TMEM47: variants seen among roughly 807,000 people sequenced by gnomAD.
The protein encoded by TMEM47 is brain cell membrane protein 1.
TMEM47 carries 3 observed loss-of-function variants against 12.4 expected under a neutral mutation model. That is an observed-to-expected ratio of 0.24 (90% CI 0.11 to 0.63). The LOEUF (loss-of-function observed/expected upper bound fraction) is 0.63. TMEM47 is among the 20% of genes least tolerant of loss of function. The pLI is 0.86. For missense variants in TMEM47, 89 were observed against 143.8 expected (o/e 0.62, Z 1.95); for synonymous variants, 62 against 63.3 (o/e 0.98, Z 0.10).
chrX:34,639,949 G>C (rs1921786362), intron 1 of TMEM47, among the ~76,000 whole-genome samples: 1 of 111,097 alleles, frequency 9.0e-6, no homozygotes, highest in Admixed American at 9.6e-5. Context: ...TTTGTGTCTG[G>C]CTTTTAAGTT....
intron 1 of TMEM47, among the ~76,000 whole-genome samples, chrX:34,640,703 A>C (rs1341952509): frequency 1.8e-5 from 2 of 111,777 alleles, no homozygotes; most frequent in East Asian, 5.6e-4. Flanking sequence ...AAAGCTTCCA[A>C]AATGCACTCT....
At chrX:34,634,212 A>T (rs1425377020) in intron 2 of TMEM47, among the ~76,000 whole-genome samples, 1 of 111,700 alleles carries the variant, frequency 9.0e-6, no homozygotes, top group Non-Finnish European at 1.9e-5. Flanking sequence ...ACAGCTCTGG[A>T]ACATTTTAGA....
At chrX:34,638,374 T>C (rs1312620869) in intron 2 of TMEM47, among the ~76,000 whole-genome samples, 2 of 111,870 alleles carry the variant, frequency 1.8e-5, no homozygotes, top group East Asian at 5.6e-4. Context: ...AGAACACTTC[T>C]GTTTTGTATT....
intron 1 of TMEM47, among the ~76,000 whole-genome samples, chrX:34,656,262 A>T (rs1367190538): frequency 1.8e-5 from 2 of 111,719 alleles, no homozygotes; most frequent in African/African-American, 6.5e-5. Flanking sequence ...TCCATCAAAA[A>T]CGTAAGGAAA....
intron 1 of TMEM47, among the ~76,000 whole-genome samples, chrX:34,644,265 G>A (rs1209896457): frequency 8.9e-6 from 1 of 111,744 alleles, no homozygotes; most frequent in African/African-American, 3.3e-5. Context: ...GCTGGCATCA[G>A]AGTTTCCAAT....
At chrX:34,639,469 A>C in intron 1 of TMEM47, 82 bp from the exon 2 acceptor site, 1 of 985,193 alleles carries the variant, frequency 1.0e-6, no homozygotes. Context: ...TTCACCTTGC[A>C]GTGGCTCAAC....
chrX:34,647,510 T>C (rs1921935019), intron 1 of TMEM47, among the ~76,000 whole-genome samples: 1 of 111,494 alleles, frequency 9.0e-6, no homozygotes, highest in South Asian at 3.7e-4. Flanking sequence ...TGGAAGACCA[T>C]GGATGTTTCG....
intron 2 of TMEM47, among the ~76,000 whole-genome samples, chrX:34,631,473 A>G (rs1921624624): frequency 9.0e-6 from 1 of 111,597 alleles, no homozygotes; most frequent in Admixed American, 9.6e-5. Flanking sequence ...AAGTGGCTTA[A>G]AAGTTATTAA....
At chrX:34,647,308 G>C (rs1160465236) in intron 1 of TMEM47, among the ~76,000 whole-genome samples, 2 of 111,337 alleles carry the variant, frequency 1.8e-5, no homozygotes, top group African/African-American at 6.5e-5. Flanking sequence ...TTTATGTACA[G>C]AGAATAAGTA....
chrX:34,650,018 C>A (rs1421226988), intron 1 of TMEM47, among the ~76,000 whole-genome samples: 1 of 112,100 alleles, frequency 8.9e-6, no homozygotes, highest in East Asian at 2.8e-4. Context: ...AGCCACCACG[C>A]CTGGCCCCCA....
At position 34,627,626 on chromosome X, in the gene TMEM47, A is replaced by G. The variant is rs1042612672; in HGVS notation, c.*2687T>C. ...AAAAAGCTAAATAATTGTGCAAGAA[A>G]TCGGAATAACTAGCCCTGCTGAGTA... On this transcript the variant is annotated 3_prime_UTR_variant, in exon 3 of 3. Coordinates refer to ENST00000275954, the MANE Select transcript of TMEM47 (RefSeq NM_031442.4). The G allele has an allele frequency of 8.9e-6, 1 of 112,188 alleles. No homozygotes were observed. The highest frequency in any genetic ancestry group is 2.8e-4 in the East Asian group (1 of 3,578). The allele number at this position is 112,188 out of a possible 1,213,427, so 9.2% of individuals were successfully genotyped here.
intron 1 of TMEM47, among the ~76,000 whole-genome samples, chrX:34,643,437 A>C (rs1282471943): frequency 9.0e-6 from 1 of 111,634 alleles, no homozygotes; most frequent in Non-Finnish European, 1.9e-5. Context: ...AATACCTGCT[A>C]ACCTACACTC....
intron 1 of TMEM47, among the ~76,000 whole-genome samples, chrX:34,649,343 A>G (rs1921972391): frequency 1.8e-5 from 2 of 111,888 alleles, no homozygotes; most frequent in Non-Finnish European, 3.8e-5. Context: ...TGTAGCGCAT[A>G]TACACCATGG....
chrX:34,635,259 T>A (rs1921695680), intron 2 of TMEM47, among the ~76,000 whole-genome samples: 1 of 112,241 alleles, frequency 8.9e-6, no homozygotes, highest in Admixed American at 9.5e-5. Flanking sequence ...CACCGGTTTT[T>A]AAAGTTTCCC....
At position 34,655,435 on chromosome X, in the gene TMEM47, A is replaced by G. The variant is rs73626068; in HGVS notation, c.226+1369T>C. On this transcript the variant is annotated intron_variant, in intron 1 of 2. Transcript: ENST00000275954. ...AAAGAATTGAAGGACCTAAATGTTG[A>G]CCTCCTGCTGCCAACCAGTTCCCTC... is the stretch of plus-strand genomic sequence containing the variant. Among the ~76,000 whole-genome samples the G allele has an allele frequency of 3.9e-3, 438 of 111,796 alleles. 2 individuals are homozygous for G. Among genetic ancestry groups the G allele is most frequent in the African/African-American group, 0.013 (410 of 30,765 alleles).
At chrX:34,632,707 A>G (rs1390704067) in intron 2 of TMEM47, among the ~76,000 whole-genome samples, 1 of 111,792 alleles carries the variant, frequency 8.9e-6, no homozygotes, top group Non-Finnish European at 1.9e-5. Context: ...TAGAAATCAG[A>G]CCTTCTCAGA....
intron 2 of TMEM47, among the ~76,000 whole-genome samples, chrX:34,633,699 C>T (rs1000157726): frequency 9.0e-6 from 1 of 111,451 alleles, no homozygotes; most frequent in African/African-American, 3.3e-5. Context: ...AGGTGTTTAC[C>T]TACGCTGCTT....
rs375116124 is a variant in TMEM47, at chrX:34,641,919, C to T, written c.227-2532G>A. Among the ~76,000 whole-genome samples the T allele has an allele frequency of 3.8e-4, 43 of 112,384 alleles. No individual in the cohort carries two copies. The East Asian group carries it at 0.012, about 30-fold the overall frequency. The stretch of plus-strand genomic sequence containing the variant: ...TCATCCAGGCTGGAGTGCAGTGGCA[C>T]GATCTTGGCTCACTGCAACCTCCGT... On this transcript the variant is annotated intron_variant, in intron 1 of 2. Transcript: ENST00000275954.
In TMEM47 at chrX:34,630,299, T is replaced by C. The variant is rs780786653; in HGVS notation, c.*14A>G. The C allele has an allele frequency of 2.2e-5, 26 of 1,169,865 alleles. No homozygotes were observed. The highest frequency in any genetic ancestry group is 2.5e-5 in the Non-Finnish European group (22 of 871,305). ...TGGATGGTGGTGGTTGTTTTTACTTTGAGACTATTGGTTCTAGTAGTAGTC... is the reference window on the plus strand; with the variant it reads ...TGGATGGTGGTGGTTGTTTTTACTTCGAGACTATTGGTTCTAGTAGTAGTC... On this transcript the variant is annotated 3_prime_UTR_variant, in exon 3 of 3. Transcript: ENST00000275954.
Sources: allele counts gnomAD v4.1 joint callset (sites outside exome capture counted in the v4.1 genomes callset), GRCh38; gene constraint gnomAD v4.1.1; transcripts MANE v1.5; gene names NCBI Gene and HGNC (gene_info 2026-07-23, HGNC 2026-07-21).